The following ADAMTS17 variants were observed in gnomAD, a reference collection of about 807,000 sequenced individuals.
ADAMTS17 encodes the protein A disintegrin and metalloproteinase with thrombospondin motifs 17.
In ADAMTS17, 113 loss-of-function variants were observed where a neutral mutation model predicts 141.5. The ratio of observed to expected loss-of-function variants is 0.80; its 90% CI spans 0.69 to 0.93. The LOEUF (loss-of-function observed/expected upper bound fraction) is 0.93, where lower values mean the gene tolerates loss of function less well. Ranked by LOEUF, ADAMTS17 falls within the 40% of genes least tolerant of loss-of-function variation. The pLI is 0.00. For synonymous variants in ADAMTS17, 768 were observed against 630.6 expected (o/e 1.22, Z -3.27); for missense variants, 1,659 against 1,517.9 (o/e 1.09, Z -1.54).
Position 100,317,501 on chromosome 15 carries a change from G to A in ADAMTS17, c.616+13388C>T, listed in dbSNP as rs561645185. The stretch of plus-strand genomic sequence containing the variant: ...CTCTGTTCTTCCAGGATGGACCCTC[G>A]CTCAGCTGACCCCTAACATCAGCTC... On this transcript the variant is annotated intron_variant, in intron 3 of 21. Transcript: ENST00000268070. Among the ~76,000 whole-genome samples the A allele has an allele frequency of 2.6e-3, 396 of 152,180 alleles. 1 individual carries two copies. Among genetic ancestry groups the A allele is most frequent in the African/African-American group, 9.2e-3 (384 of 41,520 alleles).
At chr15:100,128,427 T>C (rs919514487) in intron 12 of ADAMTS17, 1 of 152,186 alleles carries the variant, frequency 6.6e-6, no homozygotes, top group African/African-American at 2.4e-5. Context: ...ACGATGCTGC[T>C]GGACAACAGA....
intron 15 of ADAMTS17, among the ~76,000 whole-genome samples, chr15:100,058,110 T>A (rs1348517490): frequency 6.6e-6 from 1 of 151,370 alleles, no homozygotes. Context: ...TGCCTCAAAC[T>A]CCCTCCAGGG....
At chr15:100,026,582 T>C (rs528294037) in intron 18 of ADAMTS17, among the ~76,000 whole-genome samples, 1 of 152,384 alleles carries the variant, frequency 6.6e-6, no homozygotes, top group Admixed American at 6.5e-5. Context: ...AACAACCTTA[T>C]GCTATCACAC....
At chr15:100,098,893 C>G (rs952810612) in intron 14 of ADAMTS17, among the ~76,000 whole-genome samples, 1 of 152,178 alleles carries the variant, frequency 6.6e-6, no homozygotes, top group African/African-American at 2.4e-5. Context: ...GCACCTGTTC[C>G]AGCTCCCACC....
chr15:100,251,860 A>C (rs936815888), intron 7 of ADAMTS17, among the ~76,000 whole-genome samples: 4 of 152,234 alleles, frequency 2.6e-5, no homozygotes, highest in Admixed American at 6.5e-5. Context: ...AGGAAAGGCC[A>C]CAAGAGGACA....
chr15:100,332,741 C>A (rs2046093534), intron 2 of ADAMTS17, among the ~76,000 whole-genome samples: 1 of 152,196 alleles, frequency 6.6e-6, no homozygotes, highest in Non-Finnish European at 1.5e-5. Context: ...TTTTTCTTTA[C>A]AATTCTCAGG....
chr15:100,079,769 G>A (rs10152423), intron 15 of ADAMTS17, among the ~76,000 whole-genome samples: 23,634 of 151,970 alleles, frequency 0.16, 3,540 homozygotes, highest in African/African-American at 0.4. Context: ...ACTACCATCC[G>A]TGGAGTCTCG....
At chr15:100,084,851 A>G (rs533943391) in intron 15 of ADAMTS17, among the ~76,000 whole-genome samples, 14 of 152,328 alleles carry the variant, frequency 9.2e-5, no homozygotes, top group African/African-American at 3.1e-4. Context: ...GTACATCACC[A>G]TCATCAAAGA....
rs1268579963 is a variant in ADAMTS17, at chr15:99,977,384, ATATATATATATATATAATT to A, written c.2950-1181_2950-1163del. On this transcript the variant is annotated intron_variant, in intron 20 of 21. Coordinates refer to ENST00000268070, the MANE Select transcript of ADAMTS17 (RefSeq NM_139057.4). Reference sequence around the variant, plus strand: ...TATATATATATATATATATATATATATATATATATATATATAATTTTTTTTTTTTTTTTTTTTTTTTTTT... The same window carrying A: ...TATATATATATATATATATATATATATTTTTTTTTTTTTTTTTTTTTTTTT... 4.7e-3 allele frequency among the ~76,000 whole-genome samples: 69 copies of A among 14,780 alleles called. 6 individuals carry two copies. Among genetic ancestry groups the A allele is most frequent in the African/African-American group, 0.016 (61 of 3,768 alleles). 9.7% of individuals were successfully genotyped at this position (14,780 alleles called of 152,430 possible).
intron 12 of ADAMTS17, among the ~76,000 whole-genome samples, chr15:100,121,724 T>C (rs896093514): frequency 6.6e-6 from 1 of 151,908 alleles, no homozygotes; most frequent in South Asian, 2.1e-4. Flanking sequence ...AATGAAAGGA[T>C]ACTAGATGTA....
At chr15:100,092,253 TAATC>T (rs1250279338) in intron 15 of ADAMTS17, among the ~76,000 whole-genome samples, 1 of 152,246 alleles carries the variant, frequency 6.6e-6, no homozygotes, top group East Asian at 1.9e-4. Flanking sequence ...TTTCTGATGG[TAATC>T]AGTCTTCAAC....
chr15:100,027,574 C>T (rs1448275164), intron 18 of ADAMTS17, among the ~76,000 whole-genome samples: 1 of 152,232 alleles, frequency 6.6e-6, no homozygotes, highest in African/African-American at 2.4e-5. Context: ...TTTGTCTATA[C>T]ATTGTTTGTA....
intron 7 of ADAMTS17, among the ~76,000 whole-genome samples, chr15:100,243,880 G>A (rs527986868): frequency 9.2e-5 from 14 of 151,698 alleles, no homozygotes; most frequent in South Asian, 8.4e-4. Flanking sequence ...TTAGTCATCC[G>A]CTTTAACCCT....
intron 3 of ADAMTS17, among the ~76,000 whole-genome samples, chr15:100,315,731 GACACAC>G (rs1046194015): frequency 3.3e-5 from 5 of 150,626 alleles, no homozygotes; most frequent in African/African-American, 1.2e-4. Context: ...CAACTTTAAA[GACACAC>G]ACACTCACAC....
At chr15:99,983,515 TCA>T (rs1458295853) in intron 20 of ADAMTS17, among the ~76,000 whole-genome samples, 1 of 151,994 alleles carries the variant, frequency 6.6e-6, no homozygotes, top group African/African-American at 2.4e-5. Flanking sequence ...AGCTGTAAAA[TCA>T]CAACTGTAAA....
rs146725883 is a variant in ADAMTS17 at position 100,020,742 on chromosome 15, G to A, written c.2592-23153C>T. The stretch of plus-strand genomic sequence containing the variant: ...AGGGGCAACAGACATCCAGGCTAGA[G>A]CCATGTGGAGACGGCTGAGGCCCAG... On this transcript the variant is annotated intron_variant, in intron 18 of 21. Transcript: ENST00000268070. 4.6e-3 allele frequency among the ~76,000 whole-genome samples: 707 copies of A among 152,330 alleles called. 6 individuals carry two copies. Among genetic ancestry groups the A allele is most frequent in the African/African-American group, 0.016 (661 of 41,566 alleles).
At position 100,169,575 on chromosome 15, in the gene ADAMTS17, C is replaced by T. The variant is rs116467979; in HGVS notation, c.1182-14255G>A. The stretch of plus-strand genomic sequence containing the variant: ...TAACTGGCCAAGCACAGCTTGAGCC[C>T]GGGCAGCCCATGCATTGAACCTCCA... On this transcript the variant is annotated intron_variant, in intron 8 of 21. Coordinates refer to ENST00000268070, the MANE Select transcript of ADAMTS17 (RefSeq NM_139057.4). 6.3e-3 allele frequency among the ~76,000 whole-genome samples: 966 copies of T among 152,318 alleles called. 11 individuals are homozygous for T. Among genetic ancestry groups the T allele is most frequent in the African/African-American group, 0.022 (911 of 41,556 alleles).
chr15:100,243,667 G>A (rs1185216459), intron 7 of ADAMTS17, among the ~76,000 whole-genome samples: 1 of 152,100 alleles, frequency 6.6e-6, no homozygotes, highest in African/African-American at 2.4e-5. Flanking sequence ...GCGCATGCCT[G>A]TAATCCCAGC....
At chr15:100,186,870 T>A (rs1398609376) in intron 8 of ADAMTS17, among the ~76,000 whole-genome samples, 1 of 152,248 alleles carries the variant, frequency 6.6e-6, no homozygotes, top group Admixed American at 6.5e-5. Context: ...GAATGTTTCC[T>A]ATAAGCAATA....
Sources: allele counts gnomAD v4.1 joint callset (sites outside exome capture counted in the v4.1 genomes callset), GRCh38; gene constraint gnomAD v4.1.1; transcripts MANE v1.5; gene names NCBI Gene and HGNC (gene_info 2026-07-23, HGNC 2026-07-21).